The following NIBAN1 variants were observed in gnomAD, a reference collection of about 807,000 sequenced individuals.
NIBAN1 encodes the protein protein Niban 1.
In NIBAN1, 81 loss-of-function variants were observed where a neutral mutation model predicts 75.1. The observed-to-expected ratio is 1.08, with a 90% CI of 0.90 to 1.30. The LOEUF (loss-of-function observed/expected upper bound fraction) is 1.30, where lower values mean the gene tolerates loss of function less well. Among genes scored for constraint, NIBAN1 ranks in the 50% most tolerant of loss-of-function variants. The pLI, the probability that NIBAN1 is intolerant of heterozygous loss-of-function variation, is 0.00. For missense variants in NIBAN1, 1,133 were observed against 1,128.1 expected, an observed-to-expected ratio of 1.00 and a Z score of -0.06; for synonymous variants, 436 against 424.8, an observed-to-expected ratio of 1.03 and a Z score of -0.32.
rs1025701781 is a variant in NIBAN1 at position 184,795,301 on chromosome 1, T to C, written c.2463A>G (p.Thr821=). The change falls in exon 14 of 14, where the codon ACA becomes ACG. Residue 821 remains threonine (T), a synonymous_variant. Transcript: ENST00000367511. ...MEGELPGEAC[T]LTAHEGRGGK... ...CCCCTCTTCCTTCATGGGCAGTGAG[T>C]GTGCAGGCCTCTCCTGGGAGCTCCC... The C allele has an allele frequency of 1.2e-6, 2 of 1,612,460 alleles. No individual in the cohort carries two copies. Among genetic ancestry groups the C allele is most frequent in the Non-Finnish European group, 1.7e-6 (2 of 1,179,948 alleles).
chr1:184,818,676 T>G lies in NIBAN1; in HGVS notation c.1135A>C (p.Asn379His), dbSNP rs113724738. 7.4e-4 allele frequency: 1,193 copies of G among 1,611,512 alleles called. 10 individuals are homozygous for G. In the African/African-American group the frequency reaches 0.014, roughly 18 times the overall value. Residue 379 changes from asparagine to histidine, a missense_variant, in exon 9 of 14, where the codon AAC (asparagine) becomes CAC (histidine). Transcript: ENST00000367511. ...FEKEVNEVSQ[N>H]FQTTKDSVQL... ...ACACTGTCTTTGGTGGTCTGGAAGTTCTGGCTGACTTCATTCACCTCTTTC... is the reference window on the plus strand; with the variant it reads ...ACACTGTCTTTGGTGGTCTGGAAGTGCTGGCTGACTTCATTCACCTCTTTC...
At chr1:184,945,190 T>C (rs1658190730) in intron 1 of NIBAN1, among the ~76,000 whole-genome samples, 1 of 152,176 alleles carries the variant, frequency 6.6e-6, no homozygotes, top group African/African-American at 2.4e-5. Flanking sequence ...CTGCACTGAA[T>C]TTTTCTTTAC....
In NIBAN1 at chr1:184,884,744, C is replaced by A. The variant is rs777078920; in HGVS notation, c.490G>T (p.Val164Leu). The change falls in exon 5 of 14, where the codon GTG becomes TTG. Residue 164 changes from valine to leucine, a missense_variant. Val to Leu is a conservative substitution (Grantham distance 32, BLOSUM62 1). Coordinates refer to ENST00000367511, the MANE Select transcript of NIBAN1 (RefSeq NM_052966.4). ...CTGAAGAAGGGCTGCCACAGGTACA[C>A]TGGGAATTCCTTGGGCAGGACCACA... is the stretch of plus-strand genomic sequence containing the variant. ...PFVVLPKEFP[V>L]YLWQPFFRHG... The A allele has an allele frequency of 6.2e-7, 1 of 1,614,218 alleles. No individual in the cohort carries two copies. The highest frequency in any genetic ancestry group is 2.2e-5 in the East Asian group (1 of 44,884).
intron 2 of NIBAN1, 114 bp downstream of exon 2, chr1:184,899,065 C>A: frequency 1.6e-6 from 2 of 1,255,796 alleles, no homozygotes; most frequent in South Asian, 1.4e-5. Flanking sequence ...GAAACGACTT[C>A]AGAGCAGAGT....
intron 1 of NIBAN1, among the ~76,000 whole-genome samples, chr1:184,955,573 G>A (rs1394629470): frequency 2.6e-5 from 4 of 151,998 alleles, no homozygotes; most frequent in Non-Finnish European, 2.9e-5. Flanking sequence ...TCCTGACCTC[G>A]TGATCTGCCT....
intron 1 of NIBAN1, among the ~76,000 whole-genome samples, chr1:184,963,311 T>C (rs939959983): frequency 1.3e-5 from 2 of 152,096 alleles, no homozygotes; most frequent in African/African-American, 4.8e-5. Context: ...AGCTAAACCA[T>C]AAATCTATGG....
chr1:184,953,652 C>T (rs73054649), intron 1 of NIBAN1, among the ~76,000 whole-genome samples: 9,179 of 152,252 alleles, frequency 0.06, 293 homozygotes, highest in African/African-American at 0.068. Flanking sequence ...CTTTCTCAGA[C>T]ATCCACTGAT....
chr1:184,843,885 G>C (rs1338321270), intron 5 of NIBAN1, among the ~76,000 whole-genome samples: 1 of 152,108 alleles, frequency 6.6e-6, no homozygotes, highest in African/African-American at 2.4e-5. Flanking sequence ...TCACACACCC[G>C]GGTTATCTTT....
At chr1:184,924,918 T>C (rs1657645456) in intron 1 of NIBAN1, among the ~76,000 whole-genome samples, 1 of 152,114 alleles carries the variant, frequency 6.6e-6, no homozygotes, top group Non-Finnish European at 1.5e-5. Context: ...CTTGTCTTTT[T>C]TTCTTAGTCT....
intron 1 of NIBAN1, among the ~76,000 whole-genome samples, chr1:184,934,634 C>T (rs1428911394): frequency 6.6e-6 from 1 of 152,172 alleles, no homozygotes; most frequent in Non-Finnish European, 1.5e-5. Flanking sequence ...CAGTGGCTCA[C>T]GCCTGTAATC....
chr1:184,819,387 A>G (rs763708069), intron 8 of NIBAN1, among the ~76,000 whole-genome samples: 25 of 152,038 alleles, frequency 1.6e-4, no homozygotes, highest in Admixed American at 3.9e-4. Flanking sequence ...CAAAATCACA[A>G]TAGGTTTTTC....
intron 9 of NIBAN1, among the ~76,000 whole-genome samples, chr1:184,818,189 CAATGTTCTACA>C (rs1290197892): frequency 6.6e-6 from 1 of 151,744 alleles, no homozygotes; most frequent in Non-Finnish European, 1.5e-5. Flanking sequence ...AACAAACCAA[CAATGTTCTACA>C]AATGAGGATA....
chr1:184,936,027 A>AAG (rs1657950552), intron 1 of NIBAN1, among the ~76,000 whole-genome samples: 1 of 151,890 alleles, frequency 6.6e-6, no homozygotes, highest in East Asian at 1.9e-4. Flanking sequence ...AGATGAAAAA[A>AAG]AAAAAAAAAC....
At chr1:184,857,314 C>T (rs1363515318) in intron 5 of NIBAN1, among the ~76,000 whole-genome samples, 1 of 152,198 alleles carries the variant, frequency 6.6e-6, no homozygotes, top group African/African-American at 2.4e-5. Flanking sequence ...CCTTCTTCTC[C>T]TTTGCTGTGT....
intron 1 of NIBAN1, among the ~76,000 whole-genome samples, chr1:184,931,520 A>C (rs1299520431): frequency 1.3e-5 from 2 of 152,244 alleles, no homozygotes; most frequent in Non-Finnish European, 2.9e-5. Context: ...AAGTTATTGT[A>C]TAAGTAGAAA....
chr1:184,875,647 T>C (rs533632830), intron 5 of NIBAN1, among the ~76,000 whole-genome samples: 6 of 152,288 alleles, frequency 3.9e-5, no homozygotes, highest in African/African-American at 1.4e-4. Flanking sequence ...CTGGCCAACA[T>C]TCAAGTGGAG....
At chr1:184,934,985 A>G (rs10797994) in intron 1 of NIBAN1, among the ~76,000 whole-genome samples, 60,533 of 152,142 alleles carry the variant, frequency 0.4, 13,817 homozygotes, top group South Asian at 0.51. Flanking sequence ...CAGGAGGATC[A>G]CTTAAGCCGG....
In NIBAN1 at chr1:184,835,220, G is replaced by C. The variant is rs142268665; in HGVS notation, c.602-3258C>G. Among the ~76,000 whole-genome samples the C allele has an allele frequency of 1.4e-4, 22 of 152,308 alleles. No individual in the cohort carries two copies. The East Asian group carries it at 3.5e-3, about 24-fold the overall frequency. On this transcript the variant is annotated intron_variant, in intron 5 of 13. Coordinates refer to ENST00000367511, the MANE Select transcript of NIBAN1 (RefSeq NM_052966.4). ...GAGCTGTATCTCTGTTTTGGTACCA[G>C]TACCATGCTGTTTTGATTACTGTAC... is the stretch of plus-strand genomic sequence containing the variant.
chr1:184,850,690 G>A (rs1454209621), intron 5 of NIBAN1, among the ~76,000 whole-genome samples: 1 of 16,088 alleles, frequency 6.2e-5, no homozygotes, highest in East Asian at 1.0e-3. Flanking sequence ...GAGTGAACAG[G>A]CAACCTACAA....
Sources: gnomAD v4.1 joint callset for allele counts (sites outside exome capture counted in the v4.1 genomes callset) on GRCh38, gnomAD v4.1.1 for gene constraint, MANE v1.5 for transcripts, NCBI Gene and HGNC (gene_info 2026-07-23, HGNC 2026-07-21) for gene names.